TSHR: variants seen among roughly 807,000 people sequenced by gnomAD.
TSHR encodes thyroid stimulating hormone receptor.
TSHR carries 51 observed loss-of-function variants against 64.1 expected under a neutral mutation model. The ratio of observed to expected loss-of-function variants is 0.80; its 90% CI spans 0.64 to 1.01. TSHR has a LOEUF of 1.01. Among genes scored for constraint, TSHR ranks in the 50% least tolerant of loss-of-function variants. TSHR has a pLI of 0.00. For synonymous variants in TSHR, 361 were observed against 361.9 expected (o/e 1.00, Z 0.03); for missense variants, 877 against 942.8 (o/e 0.93, Z 0.91).
At chr14:81,059,116 C>A (rs542379091) in intron 1 of TSHR, among the ~76,000 whole-genome samples, 2 of 152,190 alleles carry the variant, frequency 1.3e-5, no homozygotes, top group Admixed American at 6.6e-5. Flanking sequence ...TCCCCACAAC[C>A]CTTATTGTAA....
At chr14:81,004,843 G>A (rs1006740608) in intron 1 of TSHR, among the ~76,000 whole-genome samples, 2 of 152,196 alleles carry the variant, frequency 1.3e-5, no homozygotes, top group African/African-American at 2.4e-5. Context: ...TGAGCAGGAT[G>A]CCCCACAGGT....
chr14:81,002,663 A>G (rs1215109920), intron 1 of TSHR, among the ~76,000 whole-genome samples: 1 of 152,098 alleles, frequency 6.6e-6, no homozygotes, highest in African/African-American at 2.4e-5. Context: ...CTCATGCCAT[A>G]AACAGAAAAC....
At chr14:81,037,444 C>A (rs12232221) in intron 1 of TSHR, among the ~76,000 whole-genome samples, 11,296 of 114,746 alleles carry the variant, frequency 0.098, 1,036 homozygotes, top group South Asian at 0.14. Context: ...AACAAACAAA[C>A]AAAAAACAGA....
chr14:81,120,662 G>T (rs2284740), intron 8 of TSHR, among the ~76,000 whole-genome samples: 46,380 of 151,762 alleles, frequency 0.31, 7,937 homozygotes, highest in East Asian at 0.53. Context: ...TTTGGATGCC[G>T]TTTATTTGTA....
chr14:81,002,237 T>C (rs1889361780), intron 1 of TSHR, among the ~76,000 whole-genome samples: 1 of 152,148 alleles, frequency 6.6e-6, no homozygotes, highest in African/African-American at 2.4e-5. Context: ...CCCCAAAAGT[T>C]TCTGGGTAAG....
At chr14:81,067,906 G>A (rs1190178087) in intron 2 of TSHR, among the ~76,000 whole-genome samples, 7 of 113,534 alleles carry the variant, frequency 6.2e-5, no homozygotes, top group Non-Finnish European at 1.0e-4. Context: ...ATTCTGTAGT[G>A]GAACATTCCA....
chr14:81,092,541 G>C lies in TSHR; in HGVS notation c.478G>C (p.Asp160His), dbSNP rs2139985044. The C allele has an allele frequency of 6.2e-7, 1 of 1,614,088 alleles. No individual in the cohort carries two copies. The highest frequency in any genetic ancestry group is 8.5e-7 in the Non-Finnish European group (1 of 1,179,990). ...CCCTCTCTCTTGCAGTGAAATTACA[G>C]ACAACCCTTACATGACGTCAATCCC... ...TDIFFILEIT[D>H]NPYMTSIPVN... The change falls in exon 6 of 10, where the codon GAC (aspartate) becomes CAC (histidine). Residue 160 changes from aspartate (D) to histidine (H), a missense_variant. Physicochemically the swap from Asp to His is moderately conservative, Grantham distance 81. Coordinates refer to ENST00000298171, the MANE Select transcript of TSHR (RefSeq NM_000369.5).
At chr14:80,983,546 C>G in intron 1 of TSHR, 1 of 1,261,584 alleles carries the variant, frequency 7.9e-7, no homozygotes, top group Non-Finnish European at 1.1e-6. Flanking sequence ...AGGAGCATAT[C>G]AGAAAGGGCT....
At chr14:81,043,377 C>T (rs1885016271) in intron 1 of TSHR, among the ~76,000 whole-genome samples, 1 of 152,070 alleles carries the variant, frequency 6.6e-6, no homozygotes, top group Admixed American at 6.6e-5. Flanking sequence ...ATACAGCTAA[C>T]CAGGGAGGTG....
At chr14:81,088,431 G>T (rs374432351) in intron 4 of TSHR, among the ~76,000 whole-genome samples, 1 of 152,066 alleles carries the variant, frequency 6.6e-6, no homozygotes, top group South Asian at 2.1e-4. Flanking sequence ...ACTTCCATGG[G>T]GAGTGGAGGG....
chr14:81,057,868 G>T (rs78254981), intron 1 of TSHR, among the ~76,000 whole-genome samples: 3,038 of 152,338 alleles, frequency 0.02, 75 homozygotes, highest in African/African-American at 0.051. Flanking sequence ...ACATGGTCAT[G>T]AGGTAGGGGC....
At chr14:81,105,809 T>C (rs961795416) in intron 7 of TSHR, among the ~76,000 whole-genome samples, 1 of 152,240 alleles carries the variant, frequency 6.6e-6, no homozygotes, top group South Asian at 2.1e-4. Context: ...CGGCTCTTAC[T>C]TGATTTTCAA....
At chr14:80,986,059 CT>C (rs1888431660) in intron 1 of TSHR, among the ~76,000 whole-genome samples, 1 of 152,190 alleles carries the variant, frequency 6.6e-6, no homozygotes, top group African/African-American at 2.4e-5. Context: ...ATTCACAGAG[CT>C]TGTTACTCTG....
intron 3 of TSHR, among the ~76,000 whole-genome samples, chr14:81,085,812 C>A (rs970745213): frequency 2.0e-5 from 3 of 152,146 alleles, no homozygotes; most frequent in South Asian, 4.1e-4. Flanking sequence ...CCCTCCTCCC[C>A]CAATGGAAAG....
At chr14:81,097,972 AC>A (rs3216588) in intron 7 of TSHR, among the ~76,000 whole-genome samples, 1 of 151,958 alleles carries the variant, frequency 6.6e-6, no homozygotes, top group Non-Finnish European at 1.5e-5. Context: ...GGTGATACTT[AC>A]CCCCTCAAAT....
At chr14:81,138,337 C>T (rs960217984) in intron 8 of TSHR, among the ~76,000 whole-genome samples, 17 of 151,572 alleles carry the variant, frequency 1.1e-4, no homozygotes, top group African/African-American at 3.6e-4. Flanking sequence ...ACTACAGGCA[C>T]GTGCCACCAT....
rs539185999 is a variant in TSHR at position 81,110,370 on chromosome 14, A to T, written c.692+1918A>T. On this transcript the variant is annotated intron_variant, in intron 8 of 9. Transcript: ENST00000298171. ...ATAAGACAAGGAGATTGGGATACACAGAGAGACACCAGGGATGGGCGCTCA... is the reference window on the plus strand; with the variant it reads ...ATAAGACAAGGAGATTGGGATACACTGAGAGACACCAGGGATGGGCGCTCA... Among the ~76,000 whole-genome samples, 9 of 152,326 alleles carry T rather than the reference A, an allele frequency of 5.9e-5. No individual in the cohort carries two copies. In the East Asian group the frequency reaches 1.7e-3, roughly 29 times the overall value.
rs560130708 is a variant in TSHR at position 81,080,755 on chromosome 14, T to G, written c.318-7199T>G. On this transcript the variant is annotated intron_variant, in intron 3 of 9. Coordinates refer to ENST00000298171, the MANE Select transcript of TSHR (RefSeq NM_000369.5). ...CGATAATGTAGGAAATAATTTATTC[T>G]GTGAACTTTCATATTATAGATTAAT... 3.7e-4 allele frequency among the ~76,000 whole-genome samples: 57 copies of G among 152,226 alleles called. 1 individual carries two copies. Among genetic ancestry groups the G allele is most frequent in the Admixed American group, 2.6e-4 (4 of 15,282 alleles).
At chr14:81,056,441 AGT>A (rs1405427932) in intron 1 of TSHR, among the ~76,000 whole-genome samples, 1 of 152,210 alleles carries the variant, frequency 6.6e-6, no homozygotes, top group Non-Finnish European at 1.5e-5. Context: ...GTAAAGTATA[AGT>A]ATACTTATAT....
Sources: gnomAD v4.1 joint callset for allele counts (sites outside exome capture counted in the v4.1 genomes callset) on GRCh38, gnomAD v4.1.1 for gene constraint, MANE v1.5 for transcripts, NCBI Gene and HGNC (gene_info 2026-07-23, HGNC 2026-07-21) for gene names.